The following CDC16 variants were observed in gnomAD, a reference collection of about 807,000 sequenced individuals.
CDC16 encodes the protein cell division cycle 16, also known as cell division cycle protein 16 homolog.
CDC16 carries 34 observed loss-of-function variants against 87.0 expected under a neutral mutation model. The ratio of observed to expected loss-of-function variants is 0.39; its 90% CI spans 0.30 to 0.52. The LOEUF (loss-of-function observed/expected upper bound fraction) is 0.52, where lower values mean the gene tolerates loss of function less well. Ranked by LOEUF, CDC16 falls within the 20% of genes least tolerant of loss-of-function variation. The pLI, the probability that CDC16 is intolerant of heterozygous loss-of-function variation, is 0.74. For missense variants in CDC16, 653 were observed against 751.9 expected, an observed-to-expected ratio of 0.87 and a Z score of 1.54; for synonymous variants, 263 against 260.6, an observed-to-expected ratio of 1.01 and a Z score of -0.09.
At chr13:114,239,226 A>G in intron 4 of CDC16, 124 bp from the exon 5 acceptor site, 4 of 1,456,836 alleles carry the variant, frequency 2.7e-6, no homozygotes, top group South Asian at 2.8e-5. Flanking sequence ...CATGAAGAAA[A>G]TTCTACTTTA....
chr13:114,258,265 C>T (rs1365254595), intron 13 of CDC16, among the ~76,000 whole-genome samples: 3 of 152,278 alleles, frequency 2.0e-5, no homozygotes, highest in East Asian at 3.9e-4. Context: ...TTGTAACCGC[C>T]AAATCAGTTC....
At chr13:114,250,415 T>G in intron 11 of CDC16, 134 bp from the exon 12 acceptor site, 1 of 685,712 alleles carries the variant, frequency 1.5e-6, no homozygotes, top group Non-Finnish European at 2.3e-6. Flanking sequence ...TTGCTTGGTA[T>G]CTGGAGGCGG....
At chr13:114,250,750 C>T (rs538897643) in intron 12 of CDC16, 76 bp downstream of exon 12, 2 of 1,418,446 alleles carry the variant, frequency 1.4e-6, no homozygotes, top group South Asian at 1.2e-5. Context: ...ATTACTATTA[C>T]TGCTATTTGG....
chr13:114,269,636 A>G (rs2083474187), intron 17 of CDC16, among the ~76,000 whole-genome samples: 1 of 152,244 alleles, frequency 6.6e-6, no homozygotes, highest in Non-Finnish European at 1.5e-5. Context: ...TTCATACAAT[A>G]GAATACTATA....
At chr13:114,240,430 C>T (rs2081486173) in intron 5 of CDC16, among the ~76,000 whole-genome samples, 1 of 152,110 alleles carries the variant, frequency 6.6e-6, no homozygotes, top group Non-Finnish European at 1.5e-5. Context: ...AGGATGGTCT[C>T]GATCTCCTGA....
chr13:114,242,383 T>C, intron 6 of CDC16, 103 bp downstream of exon 6: 1 of 1,002,638 alleles, frequency 1.0e-6, no homozygotes, highest in Non-Finnish European at 1.5e-6. Flanking sequence ...CACATACAGG[T>C]TTAAATAGAC....
In CDC16 at chr13:114,248,538, G is replaced by T. The variant is rs186072903; in HGVS notation, c.971+1534G>T. On this transcript the variant is annotated intron_variant, in intron 11 of 17. Transcript: ENST00000356221. ...TCTACTAAAAATAAAAAAATCAGCT[G>T]GACATGGTGGCATGCACCTGTAATC... Among the ~76,000 whole-genome samples the T allele has an allele frequency of 9.7e-3, 1,481 of 152,160 alleles. 22 individuals carry two copies. Among genetic ancestry groups the T allele is most frequent in the African/African-American group, 0.034 (1,407 of 41,500 alleles).
At chr13:114,256,811 T>C (rs2082529145) in intron 12 of CDC16, among the ~76,000 whole-genome samples, 1 of 152,182 alleles carries the variant, frequency 6.6e-6, no homozygotes, top group Non-Finnish European at 1.5e-5. Context: ...ACCTGCCCTT[T>C]TGCTTTAGAG....
At position 114,236,585 on chromosome 13, in the gene CDC16, CTG is replaced by C. The variant is rs2081262005; in HGVS notation, c.49-58_49-57del. 16 of 1,377,338 alleles carry C rather than the reference CTG, an allele frequency of 1.2e-5. No individual in the cohort carries two copies. The South Asian group carries it at 1.9e-4, about 16-fold the overall frequency. The allele number at this position is 1,377,338 out of a possible 1,614,324, so 85.3% of individuals were successfully genotyped here. ...ATAGAATTATAATAATATTAGATAA[CTG>C]TTTAAGACTATTAAAATAACAGGGC... On this transcript the variant is annotated intron_variant, in intron 1 of 17. Coordinates refer to ENST00000356221, the MANE Select transcript of CDC16 (RefSeq NM_001078645.3).
In CDC16 at chr13:114,234,956, C is replaced by T. The variant is rs2081163032; in HGVS notation, c.-129C>T. The T allele has an allele frequency of 1.6e-6, 1 of 610,626 alleles. No homozygotes were observed. Among genetic ancestry groups the T allele is most frequent in the Non-Finnish European group, 2.4e-6 (1 of 422,438 alleles). The allele number at this position is 610,626 out of a possible 1,614,324, so 37.8% of individuals were successfully genotyped here. A position where few individuals can be genotyped will look rare whatever the true frequency, so the allele number is the denominator to read the frequency against. ...GGTGGGGACCTGCGGCCTTCGAGTCCGCGGCCTTCGAGTCCTGGGGCGGCG... is the reference window on the plus strand; with the variant it reads ...GGTGGGGACCTGCGGCCTTCGAGTCTGCGGCCTTCGAGTCCTGGGGCGGCG... On this transcript the variant is annotated 5_prime_UTR_variant, in exon 1 of 18. Coordinates refer to ENST00000356221, the MANE Select transcript of CDC16 (RefSeq NM_001078645.3).
intron 17 of CDC16, among the ~76,000 whole-genome samples, chr13:114,269,845 C>T (rs2083490728): frequency 6.6e-6 from 1 of 152,170 alleles, no homozygotes; most frequent in African/African-American, 2.4e-5. Context: ...GCTGGGATTA[C>T]AGGCGCATGC....
At chr13:114,241,540 G>A (rs2081550950) in intron 5 of CDC16, among the ~76,000 whole-genome samples, 1 of 152,286 alleles carries the variant, frequency 6.6e-6, no homozygotes, top group East Asian at 1.9e-4. Context: ...CACTGTTTTG[G>A]ACAAAACAGG....
In CDC16 at chr13:114,246,065, TTTAGTC is replaced by T. The variant is rs768181031; in HGVS notation, c.897+22_897+27del. 6.3e-5 allele frequency: 81 copies of T among 1,285,716 alleles called. No individual in the cohort carries two copies. The East Asian group carries it at 1.9e-3, about 30-fold the overall frequency. The allele number at this position is 1,285,716 out of a possible 1,614,324, so 79.6% of individuals were successfully genotyped here. A position where few individuals can be genotyped will look rare whatever the true frequency, so the allele number is the denominator to read the frequency against. On this transcript the variant is annotated intron_variant, in intron 10 of 17. Coordinates refer to ENST00000356221, the MANE Select transcript of CDC16 (RefSeq NM_001078645.3). Reference sequence around the variant, plus strand: ...TAGTAATCCTGTAAGTAATATAACTTTTAGTCTTAGTTTTTTTTTTTTTACCTGTAC... The same window carrying T: ...TAGTAATCCTGTAAGTAATATAACTTTTAGTTTTTTTTTTTTTACCTGTAC...
intron 1 of CDC16, 129 bp downstream of exon 1, chr13:114,235,261 TG>T (rs1594536728): frequency 6.8e-6 from 4 of 586,500 alleles, no homozygotes; most frequent in African/African-American, 1.9e-5. Context: ...GGCCTTCATC[TG>T]GGGCCAGCAG....
chr13:114,255,172 G>A (rs1260061947), intron 12 of CDC16, among the ~76,000 whole-genome samples: 1 of 152,140 alleles, frequency 6.6e-6, no homozygotes, highest in Non-Finnish European at 1.5e-5. Flanking sequence ...CTGGGCAGAT[G>A]TACTAATGAC....
At chr13:114,246,901 T>A (rs1187578591) in intron 10 of CDC16, 30 bp from the exon 11 acceptor site, 2 of 1,421,848 alleles carry the variant, frequency 1.4e-6, no homozygotes, top group African/African-American at 1.4e-5. Flanking sequence ...AATTCCAATC[T>A]TTGTTTATGG....
intron 17 of CDC16, among the ~76,000 whole-genome samples, chr13:114,270,204 G>A (rs950370638): frequency 1.2e-4 from 18 of 152,098 alleles, no homozygotes; most frequent in South Asian, 2.1e-4. Flanking sequence ...TGGCTTCCGG[G>A]GAGGCCTCAG....
At chr13:114,259,786 A>G (rs1030240973) in intron 14 of CDC16, among the ~76,000 whole-genome samples, 1 of 152,238 alleles carries the variant, frequency 6.6e-6, no homozygotes, top group Non-Finnish European at 1.5e-5. Context: ...AAAGTATAGC[A>G]GCAGGTCCCA....
Position 114,243,316 on chromosome 13 carries a change from C to T in CDC16, c.601C>T (p.Leu201=). 1 of 1,584,006 alleles carries T rather than the reference C, an allele frequency of 6.3e-7. No homozygotes were observed. Among genetic ancestry groups the T allele is most frequent in the Non-Finnish European group, 8.7e-7 (1 of 1,153,102 alleles). ...GCTGTGTAATGAAGAACAGGAATTG[C>T]TGCGTTTTCTATTTGAGAACAAATT... ...SKLCNEEQEL[L]RFLFENKLKK... Residue 201 remains leucine (L), a synonymous_variant, in exon 7 of 18, where the codon CTG becomes TTG. Coordinates refer to ENST00000356221, the MANE Select transcript of CDC16 (RefSeq NM_001078645.3).
Sources: gnomAD v4.1 joint callset for allele counts (sites outside exome capture counted in the v4.1 genomes callset) on GRCh38, gnomAD v4.1.1 for gene constraint, MANE v1.5 for transcripts, NCBI Gene and HGNC (gene_info 2026-07-23, HGNC 2026-07-21) for gene names.